SIL1: variants seen among roughly 807,000 people sequenced by gnomAD.
SIL1 encodes the protein nucleotide exchange factor SIL1.
A neutral mutation model predicts 49.1 loss-of-function variants in SIL1; 40 were observed. The ratio of observed to expected loss-of-function variants is 0.81; its 90% CI spans 0.63 to 1.06. The LOEUF is 1.06. Among genes scored for constraint, SIL1 ranks in the 50% least tolerant of loss-of-function variants. SIL1 has a pLI of 0.00. For synonymous variants in SIL1, 253 were observed against 250.8 expected (o/e 1.01, Z -0.08); for missense variants, 500 against 572.6 (o/e 0.87, Z 1.29).
chr5:139,154,452 T>C (rs1443713462), intron 1 of SIL1, among the ~76,000 whole-genome samples: 2 of 152,224 alleles, frequency 1.3e-5, no homozygotes, highest in Non-Finnish European at 2.9e-5. Flanking sequence ...TATCCAGCCA[T>C]GTGCTCATTT....
At chr5:139,022,961 G>A (rs988087766) in intron 6 of SIL1, among the ~76,000 whole-genome samples, 8 of 152,084 alleles carry the variant, frequency 5.3e-5, no homozygotes, top group African/African-American at 1.7e-4. Flanking sequence ...GTCATACCAC[G>A]CCTGGAATGG....
chr5:139,044,995 G>A (rs1769121333), intron 4 of SIL1, among the ~76,000 whole-genome samples: 3 of 152,092 alleles, frequency 2.0e-5, no homozygotes, highest in Admixed American at 6.6e-5. Flanking sequence ...AAATCCGATG[G>A]ACCCTTCTTC....
Position 139,198,365 on chromosome 5 carries a change from G to C in SIL1, c.-107C>G, listed in dbSNP as rs1469315117. On this transcript the variant is annotated 5_prime_UTR_variant, in exon 1 of 10. Transcript: ENST00000394817. ...CCCCTGCGCAAACGCGGCGGCGACC[G>C]TCTGAGCCGGTGAGCTGGCAGCTGT... 2 of 152,038 alleles carry C rather than the reference G, an allele frequency of 1.3e-5. No homozygotes were observed. Among genetic ancestry groups the C allele is most frequent in the African/African-American group, 2.4e-5 (1 of 41,412 alleles). The allele number at this position is 152,038 out of a possible 1,614,324, so 9.4% of individuals were successfully genotyped here. A position where few individuals can be genotyped will look rare whatever the true frequency, so the allele number is the denominator to read the frequency against.
At chr5:139,082,348 G>GT (rs950328926) in intron 3 of SIL1, among the ~76,000 whole-genome samples, 21 of 152,186 alleles carry the variant, frequency 1.4e-4, no homozygotes, top group African/African-American at 4.1e-4. Context: ...CTGAGCCAGT[G>GT]TGAGGGTATG....
chr5:139,032,806 C>T (rs1768821149), intron 5 of SIL1: 1 of 152,078 alleles, frequency 6.6e-6, no homozygotes, highest in Non-Finnish European at 1.5e-5. Context: ...TATAAAACAG[C>T]TGGACTATTT....
chr5:139,091,619 T>C (rs536298748), intron 3 of SIL1, among the ~76,000 whole-genome samples: 1 of 152,320 alleles, frequency 6.6e-6, no homozygotes, highest in South Asian at 2.1e-4. Context: ...TCTAATAAAA[T>C]TATAACTGCA....
chr5:139,014,817 T>A (rs1459663494), intron 7 of SIL1, among the ~76,000 whole-genome samples: 1 of 152,218 alleles, frequency 6.6e-6, no homozygotes, highest in East Asian at 1.9e-4. Context: ...ACCTCTCCTG[T>A]CACTATAAGA....
chr5:139,032,914 G>A (rs1768823256), intron 5 of SIL1: 1 of 151,988 alleles, frequency 6.6e-6, no homozygotes, highest in Non-Finnish European at 1.5e-5. Context: ...GATATTCCTG[G>A]TTTCATTCTT....
At chr5:139,018,707 G>C (rs1768453402) in intron 7 of SIL1, among the ~76,000 whole-genome samples, 1 of 151,170 alleles carries the variant, frequency 6.6e-6, no homozygotes, top group Admixed American at 6.6e-5. Context: ...AAAGAAATAA[G>C]AATTACTATA....
At chr5:139,023,446 C>A (rs925735043) in intron 6 of SIL1, among the ~76,000 whole-genome samples, 8 of 152,116 alleles carry the variant, frequency 5.3e-5, no homozygotes. Context: ...TGGGAAACAG[C>A]GAAGGGGAAA....
At position 139,021,290 on chromosome 5, in the gene SIL1, C is replaced by G. The variant is rs538181924; in HGVS notation, c.648G>C (p.Met216Ile). The change falls in exon 7 of 10, where the codon ATG becomes ATC. Residue 216 changes from methionine to isoleucine, a missense_variant and splice_region_variant. Coordinates refer to ENST00000394817, the MANE Select transcript of SIL1 (RefSeq NM_022464.5). The stretch of plus-strand genomic sequence containing the variant: ...AGGAAAGCAGGTCCTGCGCATTGTC[C>G]ATCTGCAACAGAGCCACTGCTTAGT... ...LFDLEYYVHQ[M>I]DNAQDLLSFG... The G allele has an allele frequency of 1.9e-6, 3 of 1,614,120 alleles. No homozygotes were observed. The East Asian group carries it at 6.7e-5, about 36-fold the overall frequency.
intron 7 of SIL1, among the ~76,000 whole-genome samples, chr5:138,962,015 G>A (rs1241401675): frequency 6.9e-6 from 1 of 144,122 alleles, no homozygotes; most frequent in Admixed American, 7.0e-5. Flanking sequence ...TAATTTCAGT[G>A]AGGCCCTTCT....
intron 7 of SIL1, among the ~76,000 whole-genome samples, chr5:138,988,409 G>C (rs958530934): frequency 3.3e-5 from 5 of 152,206 alleles, no homozygotes; most frequent in African/African-American, 1.2e-4. Flanking sequence ...CATCAAAGAT[G>C]TTTTGTGAGT....
intron 5 of SIL1, among the ~76,000 whole-genome samples, chr5:139,028,274 C>A (rs1044990805): frequency 6.6e-6 from 1 of 150,714 alleles, no homozygotes; most frequent in East Asian, 1.9e-4. Context: ...CCGAGGCAGG[C>A]AGATCACGAG....
chr5:139,021,742 AT>A (rs1340057077), intron 6 of SIL1: 2 of 230,638 alleles, frequency 8.7e-6, no homozygotes, highest in Non-Finnish European at 1.7e-5. Context: ...GCTAGGGACT[AT>A]AAAAGGAGCC....
At chr5:139,124,377 G>T (rs955206332) in intron 2 of SIL1, among the ~76,000 whole-genome samples, 3 of 152,254 alleles carry the variant, frequency 2.0e-5, no homozygotes, top group South Asian at 2.1e-4. Flanking sequence ...TGTTCAAAAT[G>T]TTTTTTGCAC....
intron 3 of SIL1, among the ~76,000 whole-genome samples, chr5:139,054,056 G>T (rs1769350974): frequency 1.3e-5 from 2 of 152,140 alleles, no homozygotes; most frequent in Non-Finnish European, 2.9e-5. Flanking sequence ...TGAGACGAGG[G>T]GATCACCTGA....
At chr5:139,011,912 A>G (rs915011666) in intron 7 of SIL1, among the ~76,000 whole-genome samples, 3 of 152,234 alleles carry the variant, frequency 2.0e-5, no homozygotes, top group East Asian at 1.9e-4. Context: ...AGAGAATGGT[A>G]TAATAATCCC....
At chr5:139,054,173 T>C (rs759475720) in intron 3 of SIL1, among the ~76,000 whole-genome samples, 15 of 152,250 alleles carry the variant, frequency 9.9e-5, no homozygotes, top group Non-Finnish European at 1.9e-4. Context: ...TCCAGCACTT[T>C]GGGAGGCCAA....
Sources: allele counts gnomAD v4.1 joint callset (sites outside exome capture counted in the v4.1 genomes callset), GRCh38; gene constraint gnomAD v4.1.1; transcripts MANE v1.5; gene names NCBI Gene and HGNC (gene_info 2026-07-23, HGNC 2026-07-21).